The following R3HDM1 variants were observed in gnomAD, a reference collection of about 807,000 sequenced individuals.
The protein encoded by R3HDM1 is R3H domain containing 1.
In R3HDM1, 46 loss-of-function variants were observed where a neutral mutation model predicts 141.1. The observed-to-expected ratio is 0.33, with a 90% CI of 0.26 to 0.42. The LOEUF (loss-of-function observed/expected upper bound fraction) is 0.42. Ranked by LOEUF, R3HDM1 falls within the 10% of genes least tolerant of loss-of-function variation. The pLI is 1.00. For missense variants in R3HDM1, 1,184 were observed against 1,368.3 expected (o/e 0.87, Z 2.12); for synonymous variants, 435 against 472.9 (o/e 0.92, Z 1.04).
intron 1 of R3HDM1, among the ~76,000 whole-genome samples, chr2:135,600,480 G>T (rs577912048): frequency 6.6e-6 from 1 of 152,156 alleles, no homozygotes; most frequent in African/African-American, 2.4e-5. Context: ...TGTGGTCCGT[G>T]CTCTACATTT....
At chr2:135,721,753 A>C in intron 24 of R3HDM1, 171 bp from the exon 25 acceptor site, 1 of 448,844 alleles carries the variant, frequency 2.2e-6, no homozygotes, top group Non-Finnish European at 4.2e-6. Flanking sequence ...AGGCCTGGCT[A>C]ATTTTTATAT....
At chr2:135,573,969 A>G (rs920217362) in intron 1 of R3HDM1, among the ~76,000 whole-genome samples, 1 of 152,226 alleles carries the variant, frequency 6.6e-6, no homozygotes, top group African/African-American at 2.4e-5. Flanking sequence ...AACAAAATTT[A>G]GGAAAACAAA....
rs78817652 is a variant in R3HDM1 at position 135,678,013 on chromosome 2, G to A, written c.2308-2160G>A. ...AGAGTCTTGCTCTGTCACCCAAGCC[G>A]GAGTGCAGTGGTGTGATCTTGGCTC... On this transcript the variant is annotated intron_variant, in intron 20 of 26. Coordinates refer to ENST00000683871, the MANE Select transcript of R3HDM1 (RefSeq NM_001378107.1). Among the ~76,000 whole-genome samples, 1,628 of 151,986 alleles carry A rather than the reference G, an allele frequency of 0.011. 99 individuals are homozygous for A. The East Asian group carries it at 0.19, about 18-fold the overall frequency.
chr2:135,585,961 CT>C (rs1467478687), intron 1 of R3HDM1, among the ~76,000 whole-genome samples: 2 of 152,058 alleles, frequency 1.3e-5, no homozygotes, highest in Non-Finnish European at 2.9e-5. Flanking sequence ...GACAAATTGC[CT>C]TTTTTTAAGG....
At position 135,661,301 on chromosome 2, in the gene R3HDM1, A is replaced by C. The variant is rs759614550; in HGVS notation, c.2060A>C (p.Tyr687Ser). 4.3e-6 allele frequency: 7 copies of C among 1,614,090 alleles called. No individual in the cohort carries two copies. Among genetic ancestry groups the C allele is most frequent in the Non-Finnish European group, 5.1e-6 (6 of 1,179,960 alleles). Residue 687 changes from tyrosine (Y) to serine (S), a missense_variant, in exon 19 of 27, where the codon TAT becomes TCT. This residue lies in a region of R3HDM1 where 563 missense variants were observed against 562.0 expected (regional missense o/e 1.00). Coordinates refer to ENST00000683871, the MANE Select transcript of R3HDM1 (RefSeq NM_001378107.1). The stretch of plus-strand genomic sequence containing the variant: ...GCCTGTTATTGCGCTCCAGGCCACT[A>C]TCACTCCAGCCAACCTCAGTATCGC... Reference protein sequence around the residue: ...MPACYCAPGHYHSSQPQYRPV... With the variant: ...MPACYCAPGHSHSSQPQYRPV...
intron 1 of R3HDM1, among the ~76,000 whole-genome samples, chr2:135,598,691 C>A (rs888087733): frequency 6.6e-6 from 1 of 152,146 alleles, no homozygotes; most frequent in Non-Finnish European, 1.5e-5. Flanking sequence ...CTTCTTAGAA[C>A]TGTTGTGTGA....
At position 135,632,001 on chromosome 2, in the gene R3HDM1, T is replaced by A; in HGVS notation, c.698T>A (p.Ile233Lys). Residue 233 changes from isoleucine to lysine, a missense_variant and splice_region_variant, in exon 9 of 27, where the codon ATA (isoleucine) becomes AAA (lysine). By Grantham distance (102) the Ile-to-Lys change is moderately radical (BLOSUM62 -3). Around this residue, in one of 5 missense-constraint regions of R3HDM1, gnomAD observed 240 missense variants for 312.3 expected, o/e 0.77. Coordinates refer to ENST00000683871, the MANE Select transcript of R3HDM1 (RefSeq NM_001378107.1). Reference protein sequence around the residue: ...VIVNKTSNTRIPDQKFNEHIK... With the variant: ...VIVNKTSNTRKPDQKFNEHIK... ...GTAAACAAAACTAGCAATACAAGAA[T>A]GTAAGTGTCAAGAGATGTAACTACA... The A allele has an allele frequency of 6.3e-7, 1 of 1,598,220 alleles. No homozygotes were observed. The highest frequency in any genetic ancestry group is 8.5e-7 in the Non-Finnish European group (1 of 1,170,702).
chr2:135,537,839 C>T (rs1048115194), intron 1 of R3HDM1, among the ~76,000 whole-genome samples: 2 of 151,678 alleles, frequency 1.3e-5, no homozygotes, highest in Admixed American at 1.3e-4. Context: ...ATTTTAAAAA[C>T]GTTCTTGGGA....
chr2:135,697,122 A>T (rs1575087687), intron 21 of R3HDM1, among the ~76,000 whole-genome samples: 1 of 152,238 alleles, frequency 6.6e-6, no homozygotes, highest in African/African-American at 2.4e-5. Flanking sequence ...CAACATAGTG[A>T]AGCCCCACCT....
rs772022440 is a variant in R3HDM1 at position 135,621,521 on chromosome 2, T to G, written c.331T>G (p.Ser111Ala). The change falls in exon 6 of 27, where the codon TCA (serine) becomes GCA (alanine). Residue 111 changes from serine to alanine, a missense_variant. This residue lies in a region of R3HDM1 where 192 missense variants were observed against 215.7 expected (regional missense o/e 0.89). Transcript: ENST00000683871. ...GAAAATTCAGATCCAGTTAACACAA[T>G]CATTTGAGAAAGAAGAGAAGCCCTC... is the stretch of plus-strand genomic sequence containing the variant. The part of the protein sequence containing the change: ...QEKIQIQLTQ[S>A]FEKEEKPSKD... 3.1e-6 allele frequency: 5 copies of G among 1,593,508 alleles called. No individual in the cohort carries two copies. The Admixed American group carries it at 8.7e-5, about 28-fold the overall frequency.
chr2:135,548,401 T>A (rs1187193223), intron 1 of R3HDM1, among the ~76,000 whole-genome samples: 1 of 152,250 alleles, frequency 6.6e-6, no homozygotes, highest in Non-Finnish European at 1.5e-5. Context: ...TAACTAGAGT[T>A]GAATGTTTGA....
chr2:135,581,240 G>A, intron 1 of R3HDM1: 4 of 985,400 alleles, frequency 4.1e-6, no homozygotes, highest in Middle Eastern at 5.2e-4. Flanking sequence ...TGAAGAAAGT[G>A]GGGTATAAGA....
At chr2:135,605,110 A>G (rs2059934190) in intron 3 of R3HDM1, 94 bp downstream of exon 3, 2 of 1,156,598 alleles carry the variant, frequency 1.7e-6, no homozygotes, top group Non-Finnish European at 2.4e-6. Context: ...AAATTCTAAA[A>G]GGGTAAGTTG....
chr2:135,597,491 C>T (rs1308105938), intron 1 of R3HDM1, among the ~76,000 whole-genome samples: 2 of 152,190 alleles, frequency 1.3e-5, no homozygotes, highest in Non-Finnish European at 1.5e-5. Context: ...CAGTGCTCTT[C>T]GCCTTTCTTT....
intron 1 of R3HDM1, among the ~76,000 whole-genome samples, chr2:135,575,525 G>T (rs1705207800): frequency 6.6e-6 from 1 of 152,160 alleles, no homozygotes; most frequent in Non-Finnish European, 1.5e-5. Context: ...CTGTAATATG[G>T]CTGGAAAACT....
intron 20 of R3HDM1, among the ~76,000 whole-genome samples, chr2:135,678,688 A>C (rs2069638748): frequency 6.6e-6 from 1 of 151,342 alleles, no homozygotes; most frequent in African/African-American, 2.4e-5. Flanking sequence ...AATAATGTTA[A>C]CCCTCCCTAT....
At chr2:135,535,263 G>A (rs936273804) in intron 1 of R3HDM1, among the ~76,000 whole-genome samples, 3 of 152,242 alleles carry the variant, frequency 2.0e-5, no homozygotes, top group African/African-American at 7.2e-5. Context: ...CACTTTCGGA[G>A]ACCGAGGCAG....
chr2:135,537,177 A>T, intron 1 of R3HDM1, among the ~76,000 whole-genome samples: 1 of 149,154 alleles, frequency 6.7e-6, no homozygotes, highest in Admixed American at 6.7e-5. Context: ...TGGAATTTAA[A>T]AAAAAAAAAA....
intron 25 of R3HDM1, 28 bp from the exon 26 acceptor site, chr2:135,722,438 CGTT>C: frequency 2.5e-6 from 4 of 1,606,294 alleles, no homozygotes; most frequent in Middle Eastern, 1.7e-4. Flanking sequence ...GCATTATTAA[CGTT>C]GTTTCTCAAC....
Sources: allele counts gnomAD v4.1 joint callset (sites outside exome capture counted in the v4.1 genomes callset), GRCh38; gene constraint gnomAD v4.1.1; regional missense constraint gnomAD v4.1.1; transcripts MANE v1.5; gene names NCBI Gene and HGNC (gene_info 2026-07-23, HGNC 2026-07-21).